The following MAP3K20 variants were observed in gnomAD, a reference collection of about 807,000 sequenced individuals.
MAP3K20 encodes the protein mitogen-activated protein kinase kinase kinase 20, also known as HCCS-4.
Under a neutral mutation model 85.7 loss-of-function variants are expected in MAP3K20, and 40 were observed. The observed-to-expected ratio is 0.47, with a 90% CI of 0.36 to 0.61. MAP3K20 has a LOEUF of 0.61. Among genes scored for constraint, MAP3K20 ranks in the 20% least tolerant of loss-of-function variants. The pLI is 0.00. For synonymous variants in MAP3K20, 325 were observed against 327.7 expected (o/e 0.99, Z 0.09); for missense variants, 817 against 961.7 (o/e 0.85, Z 1.99).
At chr2:173,115,161 A>T (rs929663970) in intron 2 of MAP3K20, among the ~76,000 whole-genome samples, 1 of 152,130 alleles carries the variant, frequency 6.6e-6, no homozygotes, top group Admixed American at 6.5e-5. Context: ...CTTGTCTTCG[A>T]GCTCTGAATT....
In MAP3K20 at chr2:173,221,202, A is replaced by T. The variant is rs770055812; in HGVS notation, c.987+3952A>T. On this transcript the variant is annotated intron_variant, in intron 11 of 19. Coordinates refer to ENST00000375213, the MANE Select transcript of MAP3K20 (RefSeq NM_016653.3). ...TCTGAGGAGTCTTACTTTGAATCTAAAACAGAGGAGTCAAACAGTGCAGAG... is the reference window on the plus strand; with the variant it reads ...TCTGAGGAGTCTTACTTTGAATCTATAACAGAGGAGTCAAACAGTGCAGAG... The T allele has an allele frequency of 1.4e-5, 22 of 1,587,126 alleles. 1 individual carries two copies. The South Asian group carries it at 2.5e-4, about 18-fold the overall frequency.
At position 173,169,260 on chromosome 2, in the gene MAP3K20, C is replaced by T. The variant is rs1289514557; in HGVS notation, c.160-545C>T. On this transcript the variant is annotated intron_variant, in intron 2 of 19. Coordinates refer to ENST00000375213, the MANE Select transcript of MAP3K20 (RefSeq NM_016653.3). ...CTCTTCAGTCATTCTCCTCCATTAT[C>T]AGTCAGGTGGGCTTGCTAGCAAGCG... Among the ~76,000 whole-genome samples, 3 of 152,158 alleles carry T rather than the reference C, an allele frequency of 2.0e-5. No individual in the cohort carries two copies. The East Asian group carries it at 5.8e-4, about 29-fold the overall frequency.
chr2:173,158,390 A>G (rs1291370466), intron 2 of MAP3K20, among the ~76,000 whole-genome samples: 1 of 152,234 alleles, frequency 6.6e-6, no homozygotes, highest in Non-Finnish European at 1.5e-5. Flanking sequence ...GTGACCTGGC[A>G]TCAGACTTTA....
intron 3 of MAP3K20, among the ~76,000 whole-genome samples, chr2:173,177,506 G>A (rs540476564): frequency 5.7e-5 from 8 of 140,892 alleles, no homozygotes; most frequent in Non-Finnish European, 1.1e-4. Flanking sequence ...GTGTAGTGGC[G>A]CCATCATCTC....
At chr2:173,123,509 A>G (rs996965789) in intron 2 of MAP3K20, among the ~76,000 whole-genome samples, 2 of 152,184 alleles carry the variant, frequency 1.3e-5, no homozygotes, top group Non-Finnish European at 2.9e-5. Context: ...TTATAAAGAC[A>G]TCTACTCCAG....
chr2:173,206,891 G>T (rs1171977417), intron 9 of MAP3K20, among the ~76,000 whole-genome samples: 2 of 151,050 alleles, frequency 1.3e-5, no homozygotes, highest in Non-Finnish European at 2.9e-5. Context: ...AGAAGTTAGT[G>T]CCAGTCCTAT....
At chr2:173,146,371 A>G (rs372981984) in intron 2 of MAP3K20, among the ~76,000 whole-genome samples, 1 of 152,152 alleles carries the variant, frequency 6.6e-6, no homozygotes, top group East Asian at 1.9e-4. Flanking sequence ...CATGCACACT[A>G]TTTTATTCAT....
chr2:173,167,070 G>A (rs1160507369), intron 2 of MAP3K20, among the ~76,000 whole-genome samples: 1 of 151,766 alleles, frequency 6.6e-6, no homozygotes, highest in African/African-American at 2.4e-5. Context: ...CCGCTACCAC[G>A]CCCGGCTAAT....
rs538427497 is a variant in MAP3K20 at position 173,134,509 on chromosome 2, C to T, written c.160-35296C>T. Among the ~76,000 whole-genome samples the T allele has an allele frequency of 1.4e-4, 19 of 139,992 alleles. 1 individual carries two copies. The South Asian group carries it at 3.4e-3, about 25-fold the overall frequency. 91.8% of individuals were successfully genotyped at this position (139,992 alleles called of 152,430 possible). ...CTTAAACTCCTGACCTCAAGTAATC[C>T]GCCCGTTTTGTCCTCCTCCCAAAGT... On this transcript the variant is annotated intron_variant, in intron 2 of 19. Coordinates refer to ENST00000375213, the MANE Select transcript of MAP3K20 (RefSeq NM_016653.3).
chr2:173,120,190 G>C (rs897545347), intron 2 of MAP3K20, among the ~76,000 whole-genome samples: 9 of 152,058 alleles, frequency 5.9e-5, no homozygotes, highest in African/African-American at 2.2e-4. Context: ...CCTTCTCCAC[G>C]TGTCATTCTA....
intron 16 of MAP3K20, among the ~76,000 whole-genome samples, chr2:173,254,190 C>T (rs1435463022): frequency 6.6e-6 from 1 of 150,804 alleles, no homozygotes; most frequent in Non-Finnish European, 1.5e-5. Context: ...CTGAGGCAGG[C>T]GGATCATGAG....
At chr2:173,120,628 CA>C (rs1688255584) in intron 2 of MAP3K20, among the ~76,000 whole-genome samples, 1 of 150,584 alleles carries the variant, frequency 6.6e-6, no homozygotes, top group African/African-American at 2.4e-5. Context: ...TAACAGAGCT[CA>C]GGGGTACTGT....
chr2:173,225,972 C>G, intron 11 of MAP3K20: 1 of 985,024 alleles, frequency 1.0e-6, no homozygotes, highest in Non-Finnish European at 1.2e-6. Flanking sequence ...TTTAAAGCCT[C>G]CTTTTTCTAC....
intron 2 of MAP3K20, among the ~76,000 whole-genome samples, chr2:173,112,369 T>A (rs1014304433): frequency 2.0e-5 from 3 of 152,208 alleles, no homozygotes; most frequent in African/African-American, 7.2e-5. Flanking sequence ...ACAGTTTGAC[T>A]TCCTCTTCAC....
chr2:173,136,382 T>C (rs1456046404), intron 2 of MAP3K20, among the ~76,000 whole-genome samples: 1 of 152,200 alleles, frequency 6.6e-6, no homozygotes, highest in African/African-American at 2.4e-5. Flanking sequence ...TCTAATTATG[T>C]TTTAAACCCA....
chr2:173,239,277 C>A, intron 15 of MAP3K20, 127 bp from the exon 16 acceptor site: 2 of 718,030 alleles, frequency 2.8e-6, no homozygotes, highest in African/African-American at 1.8e-5. Flanking sequence ...GTAGCTTAAT[C>A]CAAAATAACC....
intron 11 of MAP3K20, chr2:173,222,205 CAAAAAACAA>C (rs1684271983): frequency 1.0e-6 from 1 of 953,448 alleles, no homozygotes; most frequent in Non-Finnish European, 1.2e-6. Flanking sequence ...GATCCTGTCT[CAAAAAACAA>C]AAAAAAGAAA....
At position 173,134,427 on chromosome 2, in the gene MAP3K20, TA is replaced by T. The variant is rs1279644988; in HGVS notation, c.160-35377del. 3.3e-4 allele frequency among the ~76,000 whole-genome samples: 8 copies of T among 24,260 alleles called. 1 individual carries two copies. Among genetic ancestry groups the T allele is most frequent in the East Asian group, 9.7e-4 (1 of 1,028 alleles). 15.9% of individuals were successfully genotyped at this position (24,260 alleles called of 152,430 possible). ...ATATATATATATATATATATATATA[TA>T]TTTTTTTTTTTTTTTTTTTGCAGAG... On this transcript the variant is annotated intron_variant, in intron 2 of 19. Transcript: ENST00000375213.
chr2:173,266,676 C>G lies in MAP3K20; in HGVS notation c.2329C>G (p.Pro777Ala). 2 of 1,607,298 alleles carry G rather than the reference C, an allele frequency of 1.2e-6. No individual in the cohort carries two copies. The highest frequency in any genetic ancestry group is 1.7e-6 in the Non-Finnish European group (2 of 1,176,814). The change falls in exon 20 of 20, where the codon CCC becomes GCC. Residue 777 changes from proline (P) to alanine (A), a missense_variant. By Grantham distance (27) the Pro-to-Ala change is conservative. Coordinates refer to ENST00000375213, the MANE Select transcript of MAP3K20 (RefSeq NM_016653.3). Reference sequence around the variant, plus strand: ...GACAAAAGTGGAATACCGGAAAAAGCCCCACAGGCCATCTCCCGCCAAAAC... The same window carrying G: ...GACAAAAGTGGAATACCGGAAAAAGGCCCACAGGCCATCTCCCGCCAAAAC... ...GWTKVEYRKKPHRPSPAKTNK... is the reference protein window; with the variant it reads ...GWTKVEYRKKAHRPSPAKTNK...
Sources: gnomAD v4.1 joint callset for allele counts (sites outside exome capture counted in the v4.1 genomes callset) on GRCh38, gnomAD v4.1.1 for gene constraint, MANE v1.5 for transcripts, NCBI Gene and HGNC (gene_info 2026-07-23, HGNC 2026-07-21) for gene names.